Variants in MAGI1 observed in about 807,000 individuals in gnomAD.
MAGI1 encodes the protein membrane-associated guanylate kinase, WW and PDZ domain-containing protein 1.
MAGI1 carries 58 observed loss-of-function variants against 139.9 expected under a neutral mutation model. That is an observed-to-expected ratio of 0.41 (90% CI 0.34 to 0.52). The LOEUF (loss-of-function observed/expected upper bound fraction) is 0.52. MAGI1 is among the 20% of genes least tolerant of loss of function. MAGI1 has a pLI of 0.12. For synonymous variants in MAGI1, 812 were observed against 737.9 expected (o/e 1.10, Z -1.63); for missense variants, 1,874 against 1,901.6 (o/e 0.99, Z 0.27).
chr3:65,411,801 T>A (rs989131265), intron 12 of MAGI1, among the ~76,000 whole-genome samples: 4 of 152,008 alleles, frequency 2.6e-5, no homozygotes, highest in African/African-American at 7.3e-5. Context: ...CTTTTAACCT[T>A]ATAGGACACC....
intron 10 of MAGI1, among the ~76,000 whole-genome samples, chr3:65,435,278 A>G (rs1947754150): frequency 6.6e-6 from 1 of 152,208 alleles, no homozygotes; most frequent in Non-Finnish European, 1.5e-5. Flanking sequence ...AAAAAGAAAA[A>G]GAAAAAAAGG....
chr3:65,593,114 C>T (rs62253397), intron 2 of MAGI1, among the ~76,000 whole-genome samples: 56,429 of 151,912 alleles, frequency 0.37, 11,863 homozygotes, highest in East Asian at 0.66. Flanking sequence ...ATAGCAAAAG[C>T]ATCCATAAAC....
At chr3:65,505,637 A>AAATAATAATCAT (rs2077252285) in intron 2 of MAGI1, among the ~76,000 whole-genome samples, 1 of 144,374 alleles carries the variant, frequency 6.9e-6, no homozygotes, top group African/African-American at 2.5e-5. Flanking sequence ...ACAAAGTCTA[A>AAATAATAATCAT]AATAATAATA....
chr3:65,989,800 A>G (rs564287666), intron 1 of MAGI1, among the ~76,000 whole-genome samples: 168 of 152,334 alleles, frequency 1.1e-3, no homozygotes, highest in African/African-American at 4.0e-3. Context: ...AGCTTCCCAA[A>G]GTGCTGGGAT....
At chr3:65,565,713 C>A (rs9311945) in intron 2 of MAGI1, among the ~76,000 whole-genome samples, 13,072 of 151,432 alleles carry the variant, frequency 0.086, 706 homozygotes, top group African/African-American at 0.14. Flanking sequence ...AAAAATTAGC[C>A]GGGTGTGGTG....
At chr3:65,775,502 CAAAAAAA>C (rs9311958) in intron 1 of MAGI1, among the ~76,000 whole-genome samples, 4 of 36,604 alleles carry the variant, frequency 1.1e-4, no homozygotes, top group African/African-American at 3.4e-4. Flanking sequence ...CCCACTCTGC[CAAAAAAA>C]AAAAAAAAAA....
At chr3:65,924,770 C>T (rs1173824026) in intron 1 of MAGI1, 3 of 152,440 alleles carry the variant, frequency 2.0e-5, no homozygotes, top group African/African-American at 7.2e-5. Flanking sequence ...TGAGAATAAA[C>T]AGCCATGCCT....
chr3:65,871,644 C>T (rs1348985927), intron 1 of MAGI1, among the ~76,000 whole-genome samples: 1 of 152,162 alleles, frequency 6.6e-6, no homozygotes, highest in Non-Finnish European at 1.5e-5. Flanking sequence ...AACACGCAGG[C>T]TCAGGGATCC....
At chr3:65,541,105 C>T (rs942827649) in intron 2 of MAGI1, among the ~76,000 whole-genome samples, 1 of 152,120 alleles carries the variant, frequency 6.6e-6, no homozygotes, top group Admixed American at 6.6e-5. Flanking sequence ...ACTGATCACA[C>T]AGAAATATAA....
chr3:66,023,174 A>C (rs1441414128), intron 1 of MAGI1, among the ~76,000 whole-genome samples: 1 of 152,188 alleles, frequency 6.6e-6, no homozygotes, highest in Non-Finnish European at 1.5e-5. Context: ...GATTACATAT[A>C]GAATATCCTA....
intron 1 of MAGI1, among the ~76,000 whole-genome samples, chr3:65,786,772 T>C (rs965889364): frequency 1.3e-5 from 2 of 151,918 alleles, no homozygotes; most frequent in Non-Finnish European, 2.9e-5. Context: ...CCACCACGCC[T>C]GGCTAATTTT....
intron 2 of MAGI1, among the ~76,000 whole-genome samples, chr3:65,579,295 C>CA (rs1355412385): frequency 6.6e-6 from 1 of 152,024 alleles, no homozygotes. Context: ...AAGCTTCTGC[C>CA]AAAAAACTAG....
intron 2 of MAGI1, among the ~76,000 whole-genome samples, chr3:65,516,583 C>T (rs2077890896): frequency 6.6e-6 from 1 of 152,158 alleles, no homozygotes; most frequent in African/African-American, 2.4e-5. Context: ...TTATAAAGCA[C>T]TTACTACATG....
chr3:65,486,977 T>G (rs1381167607), intron 3 of MAGI1, among the ~76,000 whole-genome samples: 1 of 152,232 alleles, frequency 6.6e-6, no homozygotes, highest in Non-Finnish European at 1.5e-5. Flanking sequence ...GTTCTCACAA[T>G]AACCAATACA....
chr3:65,470,210 C>G, intron 5 of MAGI1, 73 bp downstream of exon 5: 2 of 1,004,536 alleles, frequency 2.0e-6, no homozygotes, highest in Non-Finnish European at 3.0e-6. Context: ...TTTACATTGG[C>G]AACTGCTAGA....
chr3:65,648,590 C>T (rs1194086679), intron 1 of MAGI1, among the ~76,000 whole-genome samples: 2 of 152,150 alleles, frequency 1.3e-5, no homozygotes, highest in East Asian at 1.9e-4. Context: ...AGTGATGATA[C>T]ACCACAATCA....
chr3:65,674,776 G>A (rs1028443400), intron 1 of MAGI1, among the ~76,000 whole-genome samples: 2 of 152,130 alleles, frequency 1.3e-5, no homozygotes, highest in Admixed American at 6.5e-5. Context: ...AGGCACATCA[G>A]TAGTCTAAAT....
intron 2 of MAGI1, among the ~76,000 whole-genome samples, chr3:65,526,719 G>A (rs943659165): frequency 1.3e-5 from 2 of 152,090 alleles, no homozygotes; most frequent in South Asian, 4.1e-4. Context: ...GGATTTCTAG[G>A]CTACCTTTTA....
rs55922341 is a variant in MAGI1, at chr3:65,430,736, T to C, written c.1509A>G (p.Leu503=). The C allele has an allele frequency of 3.2e-3, 5,228 of 1,613,604 alleles. 138 individuals carry two copies. In the African/African-American group the frequency reaches 0.062, roughly 19 times the overall value. The part of the protein sequence containing the change: ...DEFLQIKSLV[L]DGPAALDGKM... The stretch of plus-strand genomic sequence containing the variant: ...TGCCATCCAATGCAGCAGGACCATC[T>C]AGGACCAAGCTCTTGATCTGGAGAA... Residue 503 remains leucine, a synonymous_variant, in exon 11 of 23, where the codon CTA becomes CTG. Coordinates refer to ENST00000402939, the MANE Select transcript of MAGI1 (RefSeq NM_001033057.2).
Sources: gnomAD v4.1 joint callset for allele counts (sites outside exome capture counted in the v4.1 genomes callset) on GRCh38, gnomAD v4.1.1 for gene constraint, MANE v1.5 for transcripts, NCBI Gene and HGNC (gene_info 2026-07-23, HGNC 2026-07-21) for gene names.